CACNG2: variants seen among roughly 807,000 people sequenced by gnomAD.
CACNG2 encodes the protein voltage-dependent calcium channel gamma-2 subunit.
A neutral mutation model predicts 25.9 loss-of-function variants in CACNG2; 3 were observed. The ratio of observed to expected loss-of-function variants is 0.12; its 90% CI spans 0.05 to 0.30. The LOEUF (loss-of-function observed/expected upper bound fraction) is 0.30. Ranked by LOEUF, CACNG2 falls within the 10% of genes least tolerant of loss-of-function variation. The pLI, the probability that CACNG2 is intolerant of heterozygous loss-of-function variation, is 1.00. For synonymous variants in CACNG2, 167 were observed against 173.3 expected, an observed-to-expected ratio of 0.96 and a Z score of 0.29; for missense variants, 341 against 432.5, an observed-to-expected ratio of 0.79 and a Z score of 1.88.
intron 1 of CACNG2, among the ~76,000 whole-genome samples, chr22:36,613,154 C>CTGTGTGTGTGTGTGTG (rs199852721): frequency 1.9e-4 from 14 of 74,002 alleles, no homozygotes; most frequent in African/African-American, 4.4e-4. Flanking sequence ...ATTACAGGCT[C>CTGTGTGTGTGTGTGTG]TCTGTGTGTG....
intron 1 of CACNG2, among the ~76,000 whole-genome samples, chr22:36,695,515 A>C (rs1479036706): frequency 1.0e-5 from 1 of 98,754 alleles, no homozygotes; most frequent in African/African-American, 4.1e-5. Flanking sequence ...TCAGTTTCCT[A>C]TCCACCCTGG....
intron 1 of CACNG2, among the ~76,000 whole-genome samples, chr22:36,692,938 G>C (rs1295766484): frequency 6.6e-6 from 1 of 152,246 alleles, no homozygotes; most frequent in Non-Finnish European, 1.5e-5. Context: ...CTGAGGTCAG[G>C]AGTCCAAGAC....
At position 36,564,336 on chromosome 22, in the gene CACNG2, C is replaced by A. The variant is rs746289931; in HGVS notation, c.*15G>T. ...GCGCCCTCCTCCCGCGGTCTTCTGGCGAGGCCCGCGGTCTTTATACGGGGG... is the reference window on the plus strand; with the variant it reads ...GCGCCCTCCTCCCGCGGTCTTCTGGAGAGGCCCGCGGTCTTTATACGGGGG... On this transcript the variant is annotated 3_prime_UTR_variant, in exon 4 of 4. Coordinates refer to ENST00000300105, the MANE Select transcript of CACNG2 (RefSeq NM_006078.5). This position sits in a 1 kb window ranked among gnomAD's most constrained non-coding sequence, Gnocchi z 6.7. 6 of 1,606,264 alleles carry A rather than the reference C, an allele frequency of 3.7e-6. No individual in the cohort carries two copies. The highest frequency in any genetic ancestry group is 1.3e-5 in the African/African-American group (1 of 74,780).
intron 1 of CACNG2, among the ~76,000 whole-genome samples, chr22:36,639,407 GC>G (rs1361103087): frequency 1.4e-4 from 22 of 152,228 alleles, no homozygotes; most frequent in Admixed American, 1.4e-3. Context: ...GGAGGGGAAA[GC>G]GTTTTGGGTA....
At chr22:36,620,076 G>A (rs538378921) in intron 1 of CACNG2, among the ~76,000 whole-genome samples, 4 of 152,344 alleles carry the variant, frequency 2.6e-5, no homozygotes, top group South Asian at 2.1e-4. Context: ...TAGAAAACAC[G>A]TTCAAGCATG....
chr22:36,598,941 G>A (rs1222117627), intron 1 of CACNG2, among the ~76,000 whole-genome samples: 1 of 152,190 alleles, frequency 6.6e-6, no homozygotes, highest in African/African-American at 2.4e-5. Context: ...TCATGTCACT[G>A]CACTCCAGCC....
intron 2 of CACNG2, chr22:36,584,348 G>C (rs1275373774): frequency 6.6e-6 from 1 of 152,276 alleles, no homozygotes; most frequent in African/African-American, 2.4e-5. Flanking sequence ...CAGCTACTCG[G>C]GAGGCTGAGG....
At chr22:36,625,874 T>G (rs1203924281) in intron 1 of CACNG2, among the ~76,000 whole-genome samples, 1 of 152,176 alleles carries the variant, frequency 6.6e-6, no homozygotes, top group Admixed American at 6.5e-5. Context: ...CATGAAAAAT[T>G]TAGCAGATTG....
chr22:36,682,449 CCTT>C (rs760146951), intron 1 of CACNG2, among the ~76,000 whole-genome samples: 12 of 152,082 alleles, frequency 7.9e-5, no homozygotes, highest in Non-Finnish European at 1.5e-4. Flanking sequence ...TCCATCCTCT[CCTT>C]CTTTTCAAAC....
intron 1 of CACNG2, among the ~76,000 whole-genome samples, chr22:36,697,679 G>T (rs1352369618): frequency 6.6e-6 from 1 of 152,198 alleles, no homozygotes; most frequent in Admixed American, 6.5e-5. Flanking sequence ...TGCAAGGCCT[G>T]GCTGTATGGA....
Position 36,702,824 on chromosome 22 carries a change from C to T in CACNG2, c.-248G>A. 1 of 361,362 alleles carries T rather than the reference C, an allele frequency of 2.8e-6. No individual in the cohort carries two copies. Among genetic ancestry groups the T allele is most frequent in the Non-Finnish European group, 4.9e-6 (1 of 205,606 alleles). 22.4% of individuals were successfully genotyped at this position (361,362 alleles called of 1,614,324 possible). A position where few individuals can be genotyped will look rare whatever the true frequency, so the allele number is the denominator to read the frequency against. The stretch of plus-strand genomic sequence containing the variant: ...TTGCCTTTTGAGATCAGAAACTGTT[C>T]CAGTTGCAGTGTTTTTTTTTTAAAA... On this transcript the variant is annotated 5_prime_UTR_variant, in exon 1 of 4. Coordinates refer to ENST00000300105, the MANE Select transcript of CACNG2 (RefSeq NM_006078.5).
intron 2 of CACNG2, chr22:36,584,733 C>G (rs1935472265): frequency 6.6e-6 from 1 of 152,256 alleles, no homozygotes. Context: ...CCCTCAGCAC[C>G]ACACGATTCC....
chr22:36,583,367 A>T (rs1296798428), intron 2 of CACNG2, among the ~76,000 whole-genome samples: 1 of 151,376 alleles, frequency 6.6e-6, no homozygotes, highest in East Asian at 1.9e-4. Flanking sequence ...CAGGAGGCAG[A>T]GGTTGCAGTG....
At position 36,566,459 on chromosome 22, in the gene CACNG2, C is replaced by T. The variant is rs760853526; in HGVS notation, c.330G>A (p.Leu110=). 1.2e-6 allele frequency: 2 copies of T among 1,614,178 alleles called. No homozygotes were observed. Among genetic ancestry groups the T allele is most frequent in the Non-Finnish European group, 1.7e-6 (2 of 1,180,032 alleles). Residue 110 remains leucine (L), a synonymous_variant, in exon 3 of 4, where the codon CTG becomes CTA. Transcript: ENST00000300105. Reference sequence around the variant, plus strand: ...CACCCATGAAAAGCAGAATCACACTCAGGATTGGGAAAATGCTGGAGGCCC... The same window carrying T: ...CACCCATGAAAAGCAGAATCACACTTAGGATTGGGAAAATGCTGGAGGCCC... ...AVRASSIFPI[L]SVILLFMGGL... is the part of the protein sequence containing the mutation.
In CACNG2 at chr22:36,703,295, A is replaced by G. The variant is rs929104452; in HGVS notation, c.-719T>C. ...GGGCAGGCGCGGCGGCGGCGGCGGCAGCAGGACGAGCAGCGGCGGCGGTTA... is the reference window on the plus strand; with the variant it reads ...GGGCAGGCGCGGCGGCGGCGGCGGCGGCAGGACGAGCAGCGGCGGCGGTTA... On this transcript the variant is annotated 5_prime_UTR_variant, in exon 1 of 4. Transcript: ENST00000300105. 1.1e-3 allele frequency: 165 copies of G among 149,928 alleles called. 1 individual carries two copies. Among genetic ancestry groups the G allele is most frequent in the Non-Finnish European group, 1.8e-3 (129 of 70,856 alleles). The allele number at this position is 149,928 out of a possible 1,614,324, so 9.3% of individuals were successfully genotyped here.
At chr22:36,567,156 G>T (rs1935140400) in intron 2 of CACNG2, among the ~76,000 whole-genome samples, 1 of 152,242 alleles carries the variant, frequency 6.6e-6, no homozygotes, top group African/African-American at 2.4e-5. Flanking sequence ...GTAAAGCAGG[G>T]ATGGTAATAA....
chr22:36,661,629 A>G lies in CACNG2; in HGVS notation c.211+40737T>C, dbSNP rs538615399. Among the ~76,000 whole-genome samples, 7 of 152,322 alleles carry G rather than the reference A, an allele frequency of 4.6e-5. No homozygotes were observed. In the East Asian group the frequency reaches 1.4e-3, roughly 29 times the overall value. ...CCACAGCATCTGAGGTGGAAGGCAGAGTAGTTTTTGTAATTGGCTCCATTG... is the reference window on the plus strand; with the variant it reads ...CCACAGCATCTGAGGTGGAAGGCAGGGTAGTTTTTGTAATTGGCTCCATTG... On this transcript the variant is annotated intron_variant, in intron 1 of 3. Transcript: ENST00000300105.
intron 2 of CACNG2, among the ~76,000 whole-genome samples, chr22:36,581,376 G>C (rs562533868): frequency 2.8e-4 from 43 of 152,076 alleles, no homozygotes; most frequent in Non-Finnish European, 5.4e-4. Context: ...TCATTCATTC[G>C]TCCATCAGAT....
At chr22:36,663,338 A>G (rs1419990015) in intron 1 of CACNG2, among the ~76,000 whole-genome samples, 3 of 152,190 alleles carry the variant, frequency 2.0e-5, no homozygotes, top group Non-Finnish European at 4.4e-5. Flanking sequence ...GTTTTCGCCA[A>G]GGGGTACTTC....
Sources: allele counts gnomAD v4.1 joint callset (sites outside exome capture counted in the v4.1 genomes callset), GRCh38; gene constraint gnomAD v4.1.1; non-coding constraint Gnocchi (gnomAD v3.1); transcripts MANE v1.5; gene names NCBI Gene and HGNC (gene_info 2026-07-23, HGNC 2026-07-21).